Variants in DPP6 observed in about 807,000 individuals in gnomAD.
DPP6 encodes the protein dipeptidyl peptidase like 6.
Under a neutral mutation model 122.6 loss-of-function variants are expected in DPP6, and 69 were observed. The observed-to-expected ratio is 0.56, with a 90% CI of 0.46 to 0.69. DPP6 has a LOEUF of 0.69. Ranked by LOEUF, DPP6 falls within the 30% of genes least tolerant of loss-of-function variation. The pLI, the probability that DPP6 is intolerant of heterozygous loss-of-function variation, is 0.00. For synonymous variants in DPP6, 418 were observed against 433.1 expected (o/e 0.97, Z 0.43); for missense variants, 928 against 1,116.9 (o/e 0.83, Z 2.41).
intron 5 of DPP6, among the ~76,000 whole-genome samples, chr7:154,613,056 G>T (rs955567988): frequency 6.6e-6 from 1 of 152,130 alleles, no homozygotes; most frequent in African/African-American, 2.4e-5. Context: ...GGAGAAACAA[G>T]CTCTCTCGTT....
intron 1 of DPP6, among the ~76,000 whole-genome samples, chr7:154,147,685 T>TACACAC (rs1451317350): frequency 6.8e-6 from 1 of 146,458 alleles, no homozygotes; most frequent in South Asian, 2.1e-4. Flanking sequence ...TGTATATATG[T>TACACAC]ATATACACAC....
At chr7:154,497,065 C>G (rs1824804815) in intron 3 of DPP6, among the ~76,000 whole-genome samples, 2 of 151,580 alleles carry the variant, frequency 1.3e-5, no homozygotes, top group East Asian at 1.9e-4. Context: ...CCTCCCTCCC[C>G]CCATGAACCA....
intron 1 of DPP6, among the ~76,000 whole-genome samples, chr7:154,271,851 A>G (rs1803814955): frequency 6.6e-6 from 1 of 152,220 alleles, no homozygotes; most frequent in South Asian, 2.1e-4. Context: ...GGACAGTATT[A>G]TTCAGGGAGG....
chr7:153,792,814 G>C, the DPP6 span, among the ~76,000 whole-genome samples: 3 of 152,004 alleles, frequency 2.0e-5, no homozygotes, highest in South Asian at 6.3e-4. Flanking sequence ...GAGGGACCCA[G>C]GGGGAGGTAA....
chr7:154,356,961 C>G (rs1331221946), intron 1 of DPP6, among the ~76,000 whole-genome samples: 2 of 152,070 alleles, frequency 1.3e-5, no homozygotes, highest in Non-Finnish European at 2.9e-5. Flanking sequence ...ACCATCTAGA[C>G]AATATTACAT....
chr7:154,694,947 T>C (rs1011504382), intron 7 of DPP6, among the ~76,000 whole-genome samples: 3 of 152,202 alleles, frequency 2.0e-5, no homozygotes, highest in African/African-American at 7.2e-5. Flanking sequence ...GAATCTCATC[T>C]TATGAGTCCA....
At position 154,777,064 on chromosome 7, in the gene DPP6, G is replaced by A. The variant is rs547491372; in HGVS notation, c.1136+4122G>A. Among the ~76,000 whole-genome samples, 52 of 152,366 alleles carry A rather than the reference G, an allele frequency of 3.4e-4. No individual in the cohort carries two copies. In the South Asian group the frequency reaches 9.9e-3, roughly 29 times the overall value. On this transcript the variant is annotated intron_variant, in intron 10 of 25. Transcript: ENST00000377770. Reference sequence around the variant, plus strand: ...TTGACTTCTCCGATGGTTCTCAGATGCAGGGAGAGTTAAGTCTGCTCTTTC... The same window carrying A: ...TTGACTTCTCCGATGGTTCTCAGATACAGGGAGAGTTAAGTCTGCTCTTTC...
intron 4 of DPP6, among the ~76,000 whole-genome samples, chr7:154,549,499 A>G (rs1238815636): frequency 1.3e-5 from 2 of 152,224 alleles, no homozygotes; most frequent in African/African-American, 2.4e-5. Context: ...AAGATTGTTT[A>G]CTTAGCGACA....
intron 1 of DPP6, among the ~76,000 whole-genome samples, chr7:154,014,456 A>T (rs1798302682): frequency 6.6e-6 from 1 of 150,742 alleles, no homozygotes; most frequent in Non-Finnish European, 1.5e-5. Context: ...GGAGTTCGAG[A>T]CCAACCTGCC....
chr7:153,920,084 G>GTAA (rs1243820259), intron 1 of DPP6, among the ~76,000 whole-genome samples: 1 of 152,196 alleles, frequency 6.6e-6, no homozygotes, highest in Non-Finnish European at 1.5e-5. Context: ...ATCAAGTGAG[G>GTAA]TAATGCAAAG....
At chr7:153,978,970 G>A (rs1489727492) in intron 1 of DPP6, among the ~76,000 whole-genome samples, 2 of 152,040 alleles carry the variant, frequency 1.3e-5, no homozygotes, top group African/African-American at 4.8e-5. Context: ...TTGAAGTCAG[G>A]TACCATGATG....
At chr7:153,864,673 ACACACAC>A in the DPP6 span, among the ~76,000 whole-genome samples, 1 of 1,014 alleles carries the variant, frequency 9.9e-4, no homozygotes, top group Non-Finnish European at 1.4e-3. Context: ...TAATAATAAT[ACACACAC>A]ACACACACAC....
chr7:154,726,472 G>A (rs1842071024), intron 7 of DPP6, among the ~76,000 whole-genome samples: 1 of 152,208 alleles, frequency 6.6e-6, no homozygotes, highest in South Asian at 2.1e-4. Flanking sequence ...AGCCTGAGCT[G>A]TACCTTGGCC....
rs1009335401 is a variant in DPP6, at chr7:154,760,959, C to T, written c.884-8458C>T. 5.3e-5 allele frequency among the ~76,000 whole-genome samples: 8 copies of T among 152,026 alleles called. No homozygotes were observed. The highest frequency in any genetic ancestry group is 1.2e-4 in the Non-Finnish European group (8 of 67,970). The stretch of plus-strand genomic sequence containing the variant: ...AAGCGATTCTCCTGCCTCAGCCTCC[C>T]GGATAGCTGGGACTACAGGCGCCTG... On this transcript the variant is annotated intron_variant, in intron 8 of 25. Transcript: ENST00000377770. The surrounding 1 kb of genome is among the most constrained non-coding windows in gnomAD (Gnocchi z 4.5).
chr7:154,150,763 C>G (rs1358856511), intron 1 of DPP6, among the ~76,000 whole-genome samples: 1 of 152,220 alleles, frequency 6.6e-6, no homozygotes, highest in African/African-American at 2.4e-5. Context: ...CCTTTAATAT[C>G]TACATTTATT....
intron 1 of DPP6, among the ~76,000 whole-genome samples, chr7:154,193,888 G>A (rs1468275059): frequency 6.6e-6 from 1 of 152,004 alleles, no homozygotes; most frequent in African/African-American, 2.4e-5. Context: ...CACCACAGAG[G>A]GGTGTGCGCT....
chr7:154,380,109 A>G (rs7780444), intron 1 of DPP6, among the ~76,000 whole-genome samples: 74,235 of 152,106 alleles, frequency 0.49, 20,754 homozygotes, highest in East Asian at 0.63. Context: ...AACACACACA[A>G]CATTAACCTT....
the DPP6 span, among the ~76,000 whole-genome samples, chr7:153,873,166 C>CT: frequency 6.6e-6 from 1 of 152,288 alleles, no homozygotes; most frequent in Admixed American, 6.5e-5. Flanking sequence ...GTGCCAGGCT[C>CT]TTTTTAACAA....
intron 1 of DPP6, among the ~76,000 whole-genome samples, chr7:154,226,839 G>A (rs907280730): frequency 6.6e-6 from 1 of 152,114 alleles, no homozygotes; most frequent in African/African-American, 2.4e-5. Flanking sequence ...TGTCAGTAAC[G>A]TGCCCTTGAC....
Sources: gnomAD v4.1 joint callset for allele counts (sites outside exome capture counted in the v4.1 genomes callset) on GRCh38, gnomAD v4.1.1 for gene constraint, Gnocchi (gnomAD v3.1) non-coding constraint, MANE v1.5 for transcripts, NCBI Gene and HGNC (gene_info 2026-07-23, HGNC 2026-07-21) for gene names.